Variants in LY96 observed in about 807,000 individuals in gnomAD.
The protein encoded by LY96 is lymphocyte antigen 96, also known as myeloid differentiation protein-2.
In LY96, 18 loss-of-function variants were observed where a neutral mutation model predicts 18.9. The ratio of observed to expected loss-of-function variants is 0.95; its 90% CI spans 0.66 to 1.41. LY96 has a LOEUF of 1.41. Among genes scored for constraint, LY96 ranks in the 40% most tolerant of loss-of-function variants. The pLI is 0.00. For synonymous variants in LY96, 66 were observed against 62.6 expected, an observed-to-expected ratio of 1.06 and a Z score of -0.26; for missense variants, 175 against 182.4, an observed-to-expected ratio of 0.96 and a Z score of 0.23.
intron 3 of LY96, among the ~76,000 whole-genome samples, chr8:74,014,846 C>CACACACAT (rs3220789): frequency 6.6e-6 from 1 of 150,510 alleles, no homozygotes; most frequent in African/African-American, 2.4e-5. Flanking sequence ...CACACACACA[C>CACACACAT]ATATATCTGT....
At chr8:73,998,636 T>C (rs1445262066) in intron 1 of LY96, among the ~76,000 whole-genome samples, 1 of 152,170 alleles carries the variant, frequency 6.6e-6, no homozygotes, top group African/African-American at 2.4e-5. Context: ...TGAGCTATGA[T>C]TGTGCCACTA....
At chr8:74,096,135 C>T in the LY96 span, among the ~76,000 whole-genome samples, 3 of 152,214 alleles carry the variant, frequency 2.0e-5, no homozygotes, top group Non-Finnish European at 2.9e-5. Context: ...CTTACTATCT[C>T]CACTGCAACC....
chr8:73,999,918 CT>C (rs1039612727), intron 1 of LY96, among the ~76,000 whole-genome samples: 5 of 149,354 alleles, frequency 3.3e-5, no homozygotes, highest in Admixed American at 6.7e-5. Context: ...AATTTGGATG[CT>C]TTTTTTTTTC....
intron 1 of LY96, among the ~76,000 whole-genome samples, chr8:74,000,286 C>T (rs1412639674): frequency 6.7e-6 from 1 of 149,754 alleles, no homozygotes; most frequent in African/African-American, 2.5e-5. Flanking sequence ...TAGAGTAGAT[C>T]CTTGCTCTTA....
At chr8:74,038,191 A>G in the LY96 span, among the ~76,000 whole-genome samples, 1 of 152,208 alleles carries the variant, frequency 6.6e-6, no homozygotes, top group African/African-American at 2.4e-5. Context: ...TTTTTGTTAC[A>G]AACAATTGAA....
At chr8:74,054,203 T>A in the LY96 span, among the ~76,000 whole-genome samples, 1 of 151,978 alleles carries the variant, frequency 6.6e-6, no homozygotes, top group Non-Finnish European at 1.5e-5. Context: ...TTTACAAGAT[T>A]TTTTGTAGAA....
At chr8:73,997,956 G>A (rs772335260) in intron 1 of LY96, among the ~76,000 whole-genome samples, 11 of 152,098 alleles carry the variant, frequency 7.2e-5, no homozygotes, top group South Asian at 4.1e-4. Flanking sequence ...TAAACCTGTC[G>A]TCCAGAAATT....
the LY96 span, among the ~76,000 whole-genome samples, chr8:74,042,124 C>T: frequency 1.3e-5 from 2 of 152,200 alleles, no homozygotes; most frequent in Non-Finnish European, 2.9e-5. Flanking sequence ...ATATTGGGGG[C>T]AGGTTCCACC....
chr8:74,022,888 T>C (rs1051786938), intron 3 of LY96, among the ~76,000 whole-genome samples: 2 of 152,094 alleles, frequency 1.3e-5, no homozygotes, highest in African/African-American at 4.8e-5. Context: ...CTAGTGGTTG[T>C]TCTTAATTTC....
chr8:74,061,052 A>G, the LY96 span, among the ~76,000 whole-genome samples: 1 of 152,236 alleles, frequency 6.6e-6, no homozygotes, highest in African/African-American at 2.4e-5. Context: ...TACTGCTTAT[A>G]GGATGAAGGC....
the LY96 span, among the ~76,000 whole-genome samples, chr8:74,072,030 G>A: frequency 6.6e-6 from 1 of 152,108 alleles, no homozygotes; most frequent in African/African-American, 2.4e-5. Flanking sequence ...CATTTTTGGA[G>A]ATAAATAGGA....
intron 1 of LY96, among the ~76,000 whole-genome samples, chr8:73,999,300 C>T (rs1469262452): frequency 6.6e-6 from 1 of 152,038 alleles, no homozygotes; most frequent in Non-Finnish European, 1.5e-5. Context: ...AGATCTCAAT[C>T]TGTTGCCCAG....
chr8:74,072,356 G>A, the LY96 span, among the ~76,000 whole-genome samples: 5 of 152,030 alleles, frequency 3.3e-5, no homozygotes, highest in Middle Eastern at 3.4e-3. Flanking sequence ...ATATTTTATG[G>A]GCCATATCTG....
the LY96 span, among the ~76,000 whole-genome samples, chr8:74,092,778 T>C: frequency 6.6e-6 from 1 of 152,186 alleles, no homozygotes; most frequent in Admixed American, 6.5e-5. Context: ...CTCTGTCTTC[T>C]TCACATCTGG....
the LY96 span, among the ~76,000 whole-genome samples, chr8:74,077,181 G>A: frequency 2.6e-5 from 4 of 152,140 alleles, no homozygotes; most frequent in African/African-American, 9.7e-5. Context: ...GCATCTTGAT[G>A]TATTCACCAA....
At chr8:74,011,275 A>G (rs941745829) in intron 3 of LY96, among the ~76,000 whole-genome samples, 1 of 152,226 alleles carries the variant, frequency 6.6e-6, no homozygotes, top group African/African-American at 2.4e-5. Context: ...TGCAATTACA[A>G]ACATACTAGA....
At chr8:74,097,481 G>A in the LY96 span, among the ~76,000 whole-genome samples, 1 of 152,156 alleles carries the variant, frequency 6.6e-6, no homozygotes, top group Non-Finnish European at 1.5e-5. Flanking sequence ...GGAGGTTGAG[G>A]TGGGTGGATC....
the LY96 span, among the ~76,000 whole-genome samples, chr8:74,084,869 C>G: frequency 6.6e-6 from 1 of 152,330 alleles, no homozygotes; most frequent in East Asian, 1.9e-4. Context: ...CCTGCCTTGA[C>G]CTCCCAAAGT....
chr8:74,042,880 G>C, the LY96 span, among the ~76,000 whole-genome samples: 2 of 151,840 alleles, frequency 1.3e-5, no homozygotes, highest in African/African-American at 4.8e-5. Flanking sequence ...GTGTTCAAGA[G>C]ATTCTCCTGC....
Sources: allele counts gnomAD v4.1 joint callset (sites outside exome capture counted in the v4.1 genomes callset), GRCh38; gene constraint gnomAD v4.1.1; transcripts MANE v1.5; gene names NCBI Gene and HGNC (gene_info 2026-07-23, HGNC 2026-07-21).